Variants in UNC79 observed in about 807,000 individuals in gnomAD.
UNC79 encodes the protein protein unc-79 homolog.
Under a neutral mutation model 283.1 loss-of-function variants are expected in UNC79, and 37 were observed. The ratio of observed to expected loss-of-function variants is 0.13; its 90% CI spans 0.10 to 0.17. UNC79 has a LOEUF of 0.17. Ranked by LOEUF, UNC79 falls within the 10% of genes least tolerant of loss-of-function variation. UNC79 has a pLI of 1.00. For missense variants in UNC79, 2,272 were observed against 3,211.1 expected (o/e 0.71, Z 7.07); for synonymous variants, 1,107 against 1,200.2 (o/e 0.92, Z 1.61).
At chr14:93,451,117 GTT>G (rs763243720) in intron 1 of UNC79, among the ~76,000 whole-genome samples, 2 of 145,118 alleles carry the variant, frequency 1.4e-5, no homozygotes, top group African/African-American at 5.0e-5. Context: ...TTAATAACAG[GTT>G]TTTTTTTTTT....
intron 1 of UNC79, among the ~76,000 whole-genome samples, chr14:93,402,629 G>A (rs915231502): frequency 6.6e-6 from 1 of 152,182 alleles, no homozygotes; most frequent in Non-Finnish European, 1.5e-5. Flanking sequence ...CTCAGAATGT[G>A]TCATGAGAGG....
At chr14:93,577,862 T>G in exon 18 of UNC79, 1 of 1,614,216 alleles carries the variant, frequency 6.2e-7, no homozygotes, top group South Asian at 1.1e-5. Context: ...CCTCTGATCC[T>G]GGCCGACGAG....
intron 1 of UNC79, among the ~76,000 whole-genome samples, chr14:93,364,393 G>C (rs2054288251): frequency 6.6e-6 from 1 of 151,868 alleles, no homozygotes; most frequent in African/African-American, 2.4e-5. Context: ...TTATATATGT[G>C]AGATTTATCC....
intron 12 of UNC79, 33 bp downstream of exon 12, chr14:93,538,251 C>G (rs1311540197): frequency 1.3e-6 from 2 of 1,506,400 alleles, no homozygotes; most frequent in African/African-American, 1.4e-5. Flanking sequence ...CTGCCTCTGA[C>G]AACTCCACCT....
rs148750546 is a variant in UNC79 at position 93,698,741 on chromosome 14, C to T, written c.7548+4329C>T. Among the ~76,000 whole-genome samples, 1,037 of 152,134 alleles carry T rather than the reference C, an allele frequency of 6.8e-3. 14 individuals are homozygous for T. The highest frequency in any genetic ancestry group is 0.024 in the African/African-American group (988 of 41,506). ...CCTCAAGGGATCTGCCCACCTTGGC[C>T]TCCCAAAGTGCTGGGATGACAGACA... On this transcript the variant is annotated intron_variant, in intron 47 of 48. Transcript: ENST00000555664.
At position 93,612,790 on chromosome 14, in the gene UNC79, C is replaced by T; in HGVS notation, c.3755-7C>T. 4.3e-6 allele frequency: 7 copies of T among 1,609,874 alleles called. No individual in the cohort carries two copies. The highest frequency in any genetic ancestry group is 5.9e-6 in the Non-Finnish European group (7 of 1,176,692). On this transcript the variant is annotated splice_polypyrimidine_tract_variant and splice_region_variant and intron_variant, in intron 26 of 48. Coordinates refer to ENST00000555664, the Ensembl canonical transcript of UNC79. ...CCACCCACTGACAGCCTTTCTTCTA[C>T]TGACAGGACAACAATCTCCTGAGAA...
exon 36 of UNC79, chr14:93,653,759 A>G (rs1239942754): frequency 1.2e-6 from 2 of 1,613,170 alleles, no homozygotes; most frequent in Non-Finnish European, 1.7e-6. Context: ...GTTCCCGGCA[A>G]TGCGGCGGGG....
rs769051221 is a variant in UNC79, at chr14:93,540,792, C to A, written c.1485C>A (p.His495Gln). The A allele has an allele frequency of 1.1e-5, 17 of 1,613,208 alleles. No individual in the cohort carries two copies. The East Asian group carries it at 2.0e-4, about 19-fold the overall frequency. The stretch of plus-strand genomic sequence containing the variant: ...TTGATAACAAGGACGATGATAAACA[C>A]GATCAGAGGCTGCTCAGTCAATTCG... The change falls in exon 13 of 49, where the codon CAC becomes CAA. Residue 495 changes from histidine (H) to glutamine (Q), a missense_variant. By Grantham distance (24) the His-to-Gln change is conservative. This residue lies in a region of UNC79 where 142 missense variants were observed against 230.7 expected (regional missense o/e 0.62). Transcript: ENST00000555664.
intron 4 of UNC79, among the ~76,000 whole-genome samples, chr14:93,483,563 T>C (rs994234114): frequency 3.3e-5 from 5 of 151,642 alleles, no homozygotes; most frequent in Non-Finnish European, 2.9e-5. Flanking sequence ...AGGGTACATA[T>C]GCACAATATG....
chr14:93,349,839 C>T (rs776388157), intron 1 of UNC79, among the ~76,000 whole-genome samples: 6 of 152,182 alleles, frequency 3.9e-5, no homozygotes, highest in Admixed American at 2.6e-4. Context: ...CTGATGTTCA[C>T]AGGCTTTATA....
intron 41 of UNC79, among the ~76,000 whole-genome samples, chr14:93,673,870 G>A (rs2073105341): frequency 6.6e-6 from 1 of 152,106 alleles, no homozygotes. Context: ...TCTGTGAGCA[G>A]AAGTAAAGGA....
intron 41 of UNC79, among the ~76,000 whole-genome samples, chr14:93,676,435 A>G (rs2073350488): frequency 6.6e-6 from 1 of 152,216 alleles, no homozygotes; most frequent in African/African-American, 2.4e-5. Flanking sequence ...GCTTAGGGAA[A>G]TATCCCGGGA....
intron 4 of UNC79, among the ~76,000 whole-genome samples, chr14:93,481,551 A>G (rs1056686338): frequency 3.9e-5 from 6 of 152,154 alleles, no homozygotes; most frequent in African/African-American, 1.2e-4. Context: ...ATCCCAGACT[A>G]TGCGGTCTCA....
intron 5 of UNC79, among the ~76,000 whole-genome samples, chr14:93,493,192 G>T (rs149707027): frequency 0.014 from 2,136 of 152,224 alleles, 22 homozygotes; most frequent in Middle Eastern, 0.037. Context: ...GCCTACAAGG[G>T]GGGGCGGTTC....
rs1436469162 is a variant in UNC79, at chr14:93,474,099, C to T, written c.154C>T (p.Arg52Cys). Residue 52 changes from arginine to cysteine, a missense_variant, in exon 3 of 49, where the codon CGC becomes TGC. This residue lies in a region of UNC79 where 194 missense variants were observed against 268.9 expected (regional missense o/e 0.72). Transcript: ENST00000555664. The surrounding 1 kb of genome is among the most constrained non-coding windows in gnomAD (Gnocchi z 4.1). ...TTGTCCCCCCAACAGCATTTTGTCCCGCACAGGGAAGAAGGAAAACCAAGA... is the reference window on the plus strand; with the variant it reads ...TTGTCCCCCCAACAGCATTTTGTCCTGCACAGGGAAGAAGGAAAACCAAGA... The T allele has an allele frequency of 2.0e-5, 31 of 1,534,020 alleles. No homozygotes were observed. The highest frequency in any genetic ancestry group is 1.9e-5 in the Non-Finnish European group (22 of 1,145,520).
intron 14 of UNC79, among the ~76,000 whole-genome samples, chr14:93,566,662 G>A (rs1026692398): frequency 4.3e-5 from 6 of 139,786 alleles, no homozygotes; most frequent in Non-Finnish European, 7.7e-5. Context: ...TTTTTGAGAC[G>A]GAATCTTGCT....
chr14:93,694,346 G>T (rs2140973594), exon 47 of UNC79: 1 of 1,609,210 alleles, frequency 6.2e-7, no homozygotes, highest in Middle Eastern at 1.7e-4. Flanking sequence ...TGGTAGAAAT[G>T]GTGTGTCTCC....
chr14:93,333,523 C>A, exon 1 of UNC79: 1 of 398,278 alleles, frequency 2.5e-6, no homozygotes, highest in South Asian at 1.3e-4. Context: ...ACTTGTCTAT[C>A]GTAAGCACTT....
In UNC79 at chr14:93,406,197, GA is replaced by G. The variant is rs201309311; in HGVS notation, c.-350-61466del. 3.5e-3 allele frequency among the ~76,000 whole-genome samples: 536 copies of G among 151,928 alleles called. 12 individuals carry two copies. In the South Asian group the frequency reaches 0.052, roughly 15 times the overall value. On this transcript the variant is annotated intron_variant, in intron 1 of 49. Coordinates refer to the UNC79 transcript ENST00000256339. Reference sequence around the variant, plus strand: ...TTCCATCATAGGTGCAAAAATTCTAGAAAAAAAATTAACACAGCAAATTCAG... The same window carrying G: ...TTCCATCATAGGTGCAAAAATTCTAGAAAAAAATTAACACAGCAAATTCAG...
Sources: gnomAD v4.1 joint callset for allele counts (sites outside exome capture counted in the v4.1 genomes callset) on GRCh38, gnomAD v4.1.1 for gene constraint, gnomAD v4.1.1 regional missense constraint, Gnocchi (gnomAD v3.1) non-coding constraint, MANE v1.5 for transcripts, NCBI Gene and HGNC (gene_info 2026-07-23, HGNC 2026-07-21) for gene names.